The following POLN variants were observed in gnomAD, a reference collection of about 807,000 sequenced individuals.
The protein encoded by POLN is DNA polymerase nu, also known as DNA polymerase N.
Under a neutral mutation model 113.5 loss-of-function variants are expected in POLN, and 108 were observed. That is an observed-to-expected ratio of 0.95 (90% CI 0.81 to 1.12). The LOEUF is 1.12. Ranked by LOEUF, POLN falls within the 50% of genes most tolerant of loss-of-function variation. POLN has a pLI of 0.00. For synonymous variants in POLN, 386 were observed against 391.5 expected (o/e 0.99, Z 0.17); for missense variants, 1,097 against 1,077.1 (o/e 1.02, Z -0.26).
chr4:2,118,871 T>A (rs188720855), intron 19 of POLN, among the ~76,000 whole-genome samples: 8 of 152,182 alleles, frequency 5.3e-5, no homozygotes, highest in Non-Finnish European at 8.8e-5. Context: ...GCAACCTCTA[T>A]CAAAAATTTT....
intron 15 of POLN, 38 bp downstream of exon 15, chr4:2,157,820 C>A: frequency 6.9e-7 from 1 of 1,447,948 alleles, no homozygotes; most frequent in Non-Finnish European, 9.6e-7. Flanking sequence ...ACAAAAACCA[C>A]AGTCCTAATC....
chr4:2,163,341 A>G (rs1370933718), intron 13 of POLN, among the ~76,000 whole-genome samples: 1 of 152,210 alleles, frequency 6.6e-6, no homozygotes, highest in African/African-American at 2.4e-5. Context: ...CCTTATCTTG[A>G]TGACTTACTC....
intron 3 of POLN, among the ~76,000 whole-genome samples, chr4:2,225,872 G>A (rs1013399940): frequency 1.5e-4 from 23 of 151,942 alleles, no homozygotes; most frequent in African/African-American, 5.3e-4. Flanking sequence ...ACAGTAGCAA[G>A]TGCCTGTAGT....
intron 20 of POLN, among the ~76,000 whole-genome samples, chr4:2,094,497 C>T (rs1319764629): frequency 5.3e-5 from 8 of 152,174 alleles, no homozygotes; most frequent in African/African-American, 1.7e-4. Context: ...GGCATGCCCA[C>T]ACCCAGAGAA....
intron 19 of POLN, among the ~76,000 whole-genome samples, chr4:2,097,665 T>A (rs891679822): frequency 6.6e-6 from 1 of 152,104 alleles, no homozygotes; most frequent in African/African-American, 2.4e-5. Context: ...CATTTTTAAG[T>A]TTTTTCTTAT....
chr4:2,072,378 C>T, intron 25 of POLN, 79 bp from the exon 26 acceptor site: 1 of 1,236,818 alleles, frequency 8.1e-7, no homozygotes, highest in Non-Finnish European at 1.1e-6. Flanking sequence ...AGCAGGGGGA[C>T]AGGGCCTACA....
At chr4:2,072,855 G>T in intron 25 of POLN, 113 bp downstream of exon 25, 1 of 1,087,924 alleles carries the variant, frequency 9.2e-7, no homozygotes, top group Non-Finnish European at 1.4e-6. Flanking sequence ...GCTGTGGAGT[G>T]GCCATCTCGG....
chr4:2,161,677 C>G (rs1732595758), intron 13 of POLN, among the ~76,000 whole-genome samples: 1 of 152,234 alleles, frequency 6.6e-6, no homozygotes, highest in East Asian at 1.9e-4. Flanking sequence ...GACTGGCAGG[C>G]AGCTTCACCT....
intron 22 of POLN, 131 bp from the exon 23 acceptor site, chr4:2,081,167 C>A (rs1335447474): frequency 6.3e-7 from 1 of 1,595,480 alleles, no homozygotes. Flanking sequence ...GTCTGAGTGC[C>A]AGGGCCACAG....
chr4:2,085,838 G>C lies in POLN; in HGVS notation c.2066-94C>G, dbSNP rs1197217906. On this transcript the variant is annotated intron_variant, in intron 20 of 25. Transcript: ENST00000511885. Reference sequence around the variant, plus strand: ...GAGTCAGGTCCAGCTGGCAGCACTGGTCTTTTCTGATGGGTTGGGATGGAG... The same window carrying C: ...GAGTCAGGTCCAGCTGGCAGCACTGCTCTTTTCTGATGGGTTGGGATGGAG... 2.0e-6 allele frequency: 3 copies of C among 1,536,896 alleles called. No individual in the cohort carries two copies. In the African/African-American group the frequency reaches 4.1e-5, roughly 21 times the overall value.
At chr4:2,079,398 A>G (rs1424504125) in intron 23 of POLN, 5 of 979,528 alleles carry the variant, frequency 5.1e-6, no homozygotes, top group East Asian at 2.3e-4. Context: ...TCAGGACACC[A>G]TGAGAACACT....
chr4:2,163,032 A>AC (rs1184503735), intron 13 of POLN, among the ~76,000 whole-genome samples: 1 of 149,398 alleles, frequency 6.7e-6, no homozygotes, highest in African/African-American at 2.5e-5. Flanking sequence ...CCTACCAAAA[A>AC]AAAAAAAAAA....
intron 7 of POLN, among the ~76,000 whole-genome samples, chr4:2,182,708 A>G (rs530736257): frequency 6.6e-5 from 10 of 152,334 alleles, no homozygotes; most frequent in African/African-American, 2.4e-4. Context: ...GAATATGATT[A>G]AACTTGTATG....
At chr4:2,223,490 C>T (rs1391670958) in intron 3 of POLN, among the ~76,000 whole-genome samples, 1 of 152,202 alleles carries the variant, frequency 6.6e-6, no homozygotes, top group Non-Finnish European at 1.5e-5. Context: ...GGAACAGTTT[C>T]ATCCCAAAAG....
At chr4:2,113,511 C>A (rs1017746812) in intron 19 of POLN, among the ~76,000 whole-genome samples, 6 of 151,886 alleles carry the variant, frequency 4.0e-5, no homozygotes, top group African/African-American at 1.5e-4. Context: ...CCTTTCTCCT[C>A]TGTACTTTTG....
chr4:2,137,315 T>A (rs1030445324), intron 16 of POLN, among the ~76,000 whole-genome samples: 3 of 152,324 alleles, frequency 2.0e-5, no homozygotes, highest in Middle Eastern at 3.4e-3. Context: ...TTCTGTTGCC[T>A]CCAGGGTCCG....
chr4:2,087,658 G>A (rs1190865519), intron 20 of POLN, among the ~76,000 whole-genome samples: 2 of 151,948 alleles, frequency 1.3e-5, no homozygotes, highest in Non-Finnish European at 2.9e-5. Context: ...TAAAATCCTT[G>A]TCTGTTAATT....
chr4:2,187,186 T>G (rs1397635739), intron 7 of POLN, among the ~76,000 whole-genome samples: 1 of 152,326 alleles, frequency 6.6e-6, no homozygotes, highest in South Asian at 2.1e-4. Context: ...GAGCAAGGAA[T>G]AGAAAGCTTA....
At chr4:2,217,915 T>C (rs1032375785) in intron 3 of POLN, among the ~76,000 whole-genome samples, 2 of 152,256 alleles carry the variant, frequency 1.3e-5, no homozygotes, top group East Asian at 1.9e-4. Context: ...TCAGGTGTTA[T>C]GGTTCACTCT....
Sources: gnomAD v4.1 joint callset for allele counts (sites outside exome capture counted in the v4.1 genomes callset) on GRCh38, gnomAD v4.1.1 for gene constraint, MANE v1.5 for transcripts, NCBI Gene and HGNC (gene_info 2026-07-23, HGNC 2026-07-21) for gene names.